Variants in PLCE1 observed in about 807,000 individuals in gnomAD.
PLCE1 encodes the protein 1-phosphatidylinositol 4,5-bisphosphate phosphodiesterase epsilon-1.
PLCE1 carries 119 observed loss-of-function variants against 242.8 expected under a neutral mutation model. That is an observed-to-expected ratio of 0.49 (90% confidence interval 0.42 to 0.57). The LOEUF (loss-of-function observed/expected upper bound fraction) is 0.57. Among genes scored for constraint, PLCE1 ranks in the 20% least tolerant of loss-of-function variants. PLCE1 has a pLI of 0.00. For missense variants in PLCE1, 2,441 were observed against 2,788.8 expected (o/e 0.88, Z 2.81); for synonymous variants, 945 against 1,017.4 (o/e 0.93, Z 1.35).
intron 8 of PLCE1, among the ~76,000 whole-genome samples, chr10:94,248,337 T>C (rs1053074169): frequency 5.9e-5 from 9 of 152,188 alleles, no homozygotes; most frequent in African/African-American, 2.2e-4. Flanking sequence ...TGTGGCGGCT[T>C]ATGCCTGTAA....
At chr10:94,293,781 T>C in intron 23 of PLCE1, 142 bp downstream of exon 23, 1 of 999,612 alleles carries the variant, frequency 1.0e-6, no homozygotes, top group Non-Finnish European at 1.5e-6. Context: ...TAAATTTTTG[T>C]AATTGCTAAC....
intron 2 of PLCE1, among the ~76,000 whole-genome samples, chr10:94,039,531 G>A (rs11187773): frequency 0.33 from 50,346 of 151,578 alleles, 9,219 homozygotes; most frequent in African/African-American, 0.5. Context: ...GATTACAGGT[G>A]CGTGCCACTA....
chr10:94,084,737 T>G (rs1000375896), intron 2 of PLCE1, among the ~76,000 whole-genome samples: 1 of 152,216 alleles, frequency 6.6e-6, no homozygotes, highest in African/African-American at 2.4e-5. Context: ...TCACACTGTT[T>G]CTGATTGGAC....
At chr10:94,325,325 G>A (rs1263455787) in intron 32 of PLCE1, 4 of 459,222 alleles carry the variant, frequency 8.7e-6, no homozygotes, top group African/African-American at 4.0e-5. Context: ...GAGGCTGGGC[G>A]TGGTGGCGCA....
chr10:94,188,927 T>G (rs2048569328), intron 4 of PLCE1, among the ~76,000 whole-genome samples: 1 of 151,418 alleles, frequency 6.6e-6, no homozygotes, highest in African/African-American at 2.4e-5. Context: ...TTGATAGACA[T>G]TCCTAGAGTA....
chr10:94,247,753 A>G (rs1024685014), intron 8 of PLCE1, among the ~76,000 whole-genome samples: 8 of 152,224 alleles, frequency 5.3e-5, no homozygotes, highest in African/African-American at 1.9e-4. Flanking sequence ...TTAGTCTTTC[A>G]TTAACCCTAC....
intron 2 of PLCE1, among the ~76,000 whole-genome samples, chr10:94,033,570 T>C (rs74518945): frequency 0.011 from 1,684 of 152,192 alleles, 33 homozygotes; most frequent in African/African-American, 0.037. Context: ...TTAATGAAAA[T>C]AATGAATCAC....
At chr10:94,201,188 C>T (rs914389234) in intron 4 of PLCE1, among the ~76,000 whole-genome samples, 2 of 152,190 alleles carry the variant, frequency 1.3e-5, no homozygotes, top group Non-Finnish European at 2.9e-5. Flanking sequence ...TGGGAATTCT[C>T]TGTACTATTC....
At chr10:94,265,109 G>A (rs534544007) in intron 14 of PLCE1, among the ~76,000 whole-genome samples, 16 of 152,326 alleles carry the variant, frequency 1.1e-4, no homozygotes, top group Admixed American at 3.3e-4. Context: ...AGAGAGGAGC[G>A]GTGTGGCTCC....
intron 3 of PLCE1, among the ~76,000 whole-genome samples, chr10:94,151,355 T>C (rs1351853910): frequency 4.6e-5 from 7 of 152,108 alleles, no homozygotes. Context: ...AGAATATACA[T>C]GAAGGGAACA....
chr10:94,261,519 A>G (rs1307170505), intron 13 of PLCE1, among the ~76,000 whole-genome samples: 1 of 152,232 alleles, frequency 6.6e-6, no homozygotes, highest in Admixed American at 6.5e-5. Context: ...TAAATACCTA[A>G]GAGTGCAATT....
chr10:94,328,941 AT>A lies in PLCE1; in HGVS notation c.*1004del, dbSNP rs578189924. 11 of 152,180 alleles carry A rather than the reference AT, an allele frequency of 7.2e-5. No homozygotes were observed. The highest frequency in any genetic ancestry group is 1.6e-4 in the Non-Finnish European group (11 of 68,018). 9.4% of individuals were successfully genotyped at this position (152,180 alleles called of 1,614,324 possible). A position where few individuals can be genotyped will look rare whatever the true frequency, so the allele number is the denominator to read the frequency against. On this transcript the variant is annotated 3_prime_UTR_variant, in exon 33 of 33. Coordinates refer to ENST00000371380, the MANE Select transcript of PLCE1 (RefSeq NM_016341.4). ...CAATGTCTTAACAAGAAACCTAACA[AT>A]TTTTTAAAGCAAAAGTAGATTGAGT...
intron 20 of PLCE1, among the ~76,000 whole-genome samples, chr10:94,282,285 G>A (rs1460106121): frequency 6.6e-6 from 1 of 151,804 alleles, no homozygotes; most frequent in African/African-American, 2.4e-5. Context: ...GCAAGAAAAC[G>A]CTAAGGAAGT....
At chr10:94,094,428 G>T (rs1038720349) in intron 2 of PLCE1, among the ~76,000 whole-genome samples, 2 of 152,166 alleles carry the variant, frequency 1.3e-5, no homozygotes, top group East Asian at 3.8e-4. Flanking sequence ...GAGAACCACT[G>T]TGGGAGAGTA....
At chr10:94,293,407 G>C in intron 22 of PLCE1, 101 bp from the exon 23 acceptor site, 1 of 1,298,514 alleles carries the variant, frequency 7.7e-7, no homozygotes, top group Non-Finnish European at 1.1e-6. Context: ...TAGGTTCCAA[G>C]GGAGTAGTAG....
chr10:94,249,277 A>G (rs1032325343), intron 8 of PLCE1, among the ~76,000 whole-genome samples: 4 of 152,224 alleles, frequency 2.6e-5, no homozygotes, highest in African/African-American at 9.6e-5. Flanking sequence ...CATATAAACC[A>G]GTTCCCAAAC....
intron 28 of PLCE1, chr10:94,315,332 T>G (rs1420175783): frequency 4.9e-5 from 22 of 445,150 alleles, no homozygotes; most frequent in South Asian, 1.1e-4. Flanking sequence ...AGGAGAAGGG[T>G]GTTTGCTTAA....
rs1326370481 is a variant in PLCE1 at position 94,321,925 on chromosome 10, C to A, written c.6367C>A (p.Gln2123Lys). Reference protein sequence around the residue: ...QENLEEKNIVQDDKEVILSSE... With the variant: ...QENLEEKNIVKDDKEVILSSE... Reference sequence around the variant, plus strand: ...GAACCTAGAAGAGAAAAACATTGTTCAAGATGACAAAGAGGTGATCTTGAG... The same window carrying A: ...GAACCTAGAAGAGAAAAACATTGTTAAAGATGACAAAGAGGTGATCTTGAG... Residue 2123 changes from glutamine (Q) to lysine (K), a missense_variant, in exon 30 of 33, where the codon CAA (glutamine) becomes AAA (lysine). Gln to Lys is a moderately conservative substitution (Grantham distance 53, BLOSUM62 1). Transcript: ENST00000371380. The A allele has an allele frequency of 1.2e-6, 2 of 1,613,428 alleles. No homozygotes were observed. Among genetic ancestry groups the A allele is most frequent in the East Asian group, 4.5e-5 (2 of 44,876 alleles).
intron 2 of PLCE1, among the ~76,000 whole-genome samples, chr10:94,036,602 C>T (rs1004841742): frequency 6.6e-6 from 1 of 152,152 alleles, no homozygotes; most frequent in African/African-American, 2.4e-5. Flanking sequence ...AAAACCCTAT[C>T]CCTTATCCAG....
Sources: allele counts gnomAD v4.1 joint callset (sites outside exome capture counted in the v4.1 genomes callset), GRCh38; gene constraint gnomAD v4.1.1; transcripts MANE v1.5; gene names NCBI Gene and HGNC (gene_info 2026-07-23, HGNC 2026-07-21).